Variants in MRPS18B observed in about 807,000 individuals in gnomAD.
MRPS18B encodes small ribosomal subunit protein mS40.
In MRPS18B, 27 loss-of-function variants were observed where a neutral mutation model predicts 28.4. The observed-to-expected ratio is 0.95, with a 90% confidence interval of 0.70 to 1.31. MRPS18B has a LOEUF of 1.31. MRPS18B is among the 40% of genes most tolerant of loss of function. The probability of loss-of-function intolerance (pLI) is 0.00; values close to 1 mark genes in which losing one functional copy is unlikely to be tolerated. For missense variants in MRPS18B, 343 were observed against 335.9 expected, an observed-to-expected ratio of 1.02 and a Z score of -0.17; for synonymous variants, 118 against 123.7, an observed-to-expected ratio of 0.95 and a Z score of 0.30.
rs1246033982 is a variant in MRPS18B, at chr6:30,625,766, C to G, written c.746C>G (p.Thr249Ser). Residue 249 changes from threonine (T) to serine (S), a missense_variant, in exon 7 of 7, where the codon ACT (threonine) becomes AGT (serine). Coordinates refer to ENST00000259873, the MANE Select transcript of MRPS18B (RefSeq NM_014046.4). ...PPRTPAEASS[T>S]GQTGPQSAL The stretch of plus-strand genomic sequence containing the variant: ...AGAACACCAGCGGAAGCCTCCTCCA[C>G]TGGGCAGACAGGCCCTCAGAGTGCT... 2.5e-6 allele frequency: 4 copies of G among 1,612,618 alleles called. No homozygotes were observed. Among genetic ancestry groups the G allele is most frequent in the East Asian group, 2.2e-5 (1 of 44,886 alleles).
chr6:30,622,813 C>T lies in MRPS18B; in HGVS notation c.355-19C>T. On this transcript the variant is annotated intron_variant, in intron 4 of 6. Coordinates refer to ENST00000259873, the MANE Select transcript of MRPS18B (RefSeq NM_014046.4). Reference sequence around the variant, plus strand: ...CCCTGCCTCTTTTCCTCACGTTTCTCTACCACTTTCCCCCACAGAACGTGA... The same window carrying T: ...CCCTGCCTCTTTTCCTCACGTTTCTTTACCACTTTCCCCCACAGAACGTGA... The T allele has an allele frequency of 6.2e-7, 1 of 1,612,408 alleles. No homozygotes were observed.
chr6:30,620,919 A>G (rs1319747215), intron 4 of MRPS18B, among the ~76,000 whole-genome samples: 1 of 152,194 alleles, frequency 6.6e-6, no homozygotes, highest in Non-Finnish European at 1.5e-5. Context: ...ATTCGTTTGT[A>G]TTCATTACAG....
At position 30,618,064 on chromosome 6, in the gene MRPS18B, A is replaced by G. The variant is rs1044716126; in HGVS notation, c.78+121A>G. On this transcript the variant is annotated intron_variant, in intron 1 of 6. Transcript: ENST00000259873. ...CCACGTGTGTCTTAGCTGTCTAGGC[A>G]GTACTTCCTGCAACCCCCCCCCCAC... 398 of 1,019,358 alleles carry G rather than the reference A, an allele frequency of 3.9e-4. 12 individuals carry two copies. In the South Asian group the frequency reaches 4.8e-3, roughly 12 times the overall value. The allele number at this position is 1,019,358 out of a possible 1,614,324, so 63.1% of individuals were successfully genotyped here. A position where few individuals can be genotyped will look rare whatever the true frequency, so the allele number is the denominator to read the frequency against.
At chr6:30,623,352 A>G (rs35554791) in intron 5 of MRPS18B, among the ~76,000 whole-genome samples, 6,976 of 152,182 alleles carry the variant, frequency 0.046, 222 homozygotes, top group South Asian at 0.11. Flanking sequence ...AAAAAAGGAA[A>G]AAGAAAAAAA....
At chr6:30,619,178 A>G (rs1017385374) in intron 1 of MRPS18B, among the ~76,000 whole-genome samples, 3 of 152,206 alleles carry the variant, frequency 2.0e-5, no homozygotes, top group South Asian at 2.1e-4. Flanking sequence ...GGCCTCCCAA[A>G]GTGCTGGGAT....
At chr6:30,620,092 T>G (rs900919390) in intron 4 of MRPS18B, 103 bp downstream of exon 4, 2 of 1,080,800 alleles carry the variant, frequency 1.9e-6, no homozygotes, top group Non-Finnish European at 2.8e-6. Context: ...CCAAGGCAGG[T>G]GGATCATGAG....
intron 5 of MRPS18B, among the ~76,000 whole-genome samples, chr6:30,624,154 A>G (rs1561875781): frequency 6.6e-6 from 1 of 151,006 alleles, no homozygotes; most frequent in Non-Finnish European, 1.5e-5. Context: ...GTGCAGTGGC[A>G]TGATCTTGGC....
chr6:30,622,889 C>G lies in MRPS18B; in HGVS notation c.412C>G (p.Pro138Ala). 1 of 1,613,036 alleles carries G rather than the reference C, an allele frequency of 6.2e-7. No individual in the cohort carries two copies. The highest frequency in any genetic ancestry group is 2.2e-5 in the East Asian group (1 of 44,894). ...CAHTGIIFYA[P>A]YTGVCVKQHK... ...CCACACGGGTATCATCTTCTATGCT[C>G]CATACACAGGTTAGCCCATCATCCC... The change falls in exon 5 of 7, where the codon CCA (proline) becomes GCA (alanine). Residue 138 changes from proline to alanine, a missense_variant. Transcript: ENST00000259873.
Position 30,619,720 on chromosome 6 carries a change from C to T in MRPS18B, c.199C>T (p.Arg67Ter), listed in dbSNP as rs1561867937. Residue 67 changes from arginine (R) to a stop codon, truncating the protein, a stop_gained, in exon 3 of 7, where the codon CGA (arginine) becomes TGA (stop). Coordinates refer to ENST00000259873, the MANE Select transcript of MRPS18B (RefSeq NM_014046.4). LOFTEE classifies it high-confidence loss of function. ...KYLESEEYQE[R>*]YGSRPVWADY... The stretch of plus-strand genomic sequence containing the variant: ...ATCTTTCATTTCAGAATACCAGGAG[C>T]GATATGGTTCTCGCCCCGTCTGGGC... The T allele has an allele frequency of 6.2e-7, 1 of 1,614,022 alleles. No homozygotes were observed. Among genetic ancestry groups the T allele is most frequent in the Non-Finnish European group, 8.5e-7 (1 of 1,180,012 alleles).
In MRPS18B at chr6:30,624,868, T is replaced by C. The variant is rs562310862; in HGVS notation, c.422-15T>C. 14 of 1,611,044 alleles carry C rather than the reference T, an allele frequency of 8.7e-6. No homozygotes were observed. The highest frequency in any genetic ancestry group is 1.1e-5 in the Non-Finnish European group (13 of 1,179,412). On this transcript the variant is annotated splice_polypyrimidine_tract_variant and intron_variant, in intron 5 of 6. Coordinates refer to ENST00000259873, the MANE Select transcript of MRPS18B (RefSeq NM_014046.4). Reference sequence around the variant, plus strand: ...TTACTGTGCCTTAAAGAACAAGATATTTTTCTCCCCACAGGAGTCTGTGTG... The same window carrying C: ...TTACTGTGCCTTAAAGAACAAGATACTTTTCTCCCCACAGGAGTCTGTGTG...
intron 4 of MRPS18B, among the ~76,000 whole-genome samples, chr6:30,620,478 C>T (rs778670745): frequency 1.2e-4 from 19 of 152,082 alleles, no homozygotes; most frequent in South Asian, 4.2e-4. Context: ...ATAAAAACAT[C>T]CCTCCAGCCT....
intron 4 of MRPS18B, chr6:30,620,255 T>G: frequency 2.4e-6 from 1 of 422,444 alleles, no homozygotes. Context: ...AGGCAGAGCT[T>G]GCGGTGAGCT....
At chr6:30,620,199 C>T in intron 4 of MRPS18B, 1 of 540,766 alleles carries the variant, frequency 1.8e-6, no homozygotes, top group South Asian at 2.1e-5. Context: ...CGCCTGTAGT[C>T]CCAGCTACTC....
rs1561882305 is a variant in MRPS18B at position 30,626,114 on chromosome 6, CTG to C, written c.*318_*319del. The C allele has an allele frequency of 2.1e-5, 7 of 325,700 alleles. No individual in the cohort carries two copies. The East Asian group carries it at 3.6e-4, about 17-fold the overall frequency. The allele number at this position is 325,700 out of a possible 1,614,324, so 20.2% of individuals were successfully genotyped here. On this transcript the variant is annotated 3_prime_UTR_variant, in exon 7 of 7. Transcript: ENST00000259873. Reference sequence around the variant, plus strand: ...CCTGTCTCAAAAAAAAAAAAAAAGACTGGGAAGAGAGCTAGAGGGACTAGGAG... The same window carrying C: ...CCTGTCTCAAAAAAAAAAAAAAAGACGGAAGAGAGCTAGAGGGACTAGGAG...
intron 1 of MRPS18B, among the ~76,000 whole-genome samples, chr6:30,619,016 C>G (rs964921540): frequency 6.6e-6 from 1 of 152,112 alleles, no homozygotes; most frequent in African/African-American, 2.4e-5. Context: ...CTCCCGGGTT[C>G]AAGTGATTCT....
intron 5 of MRPS18B, among the ~76,000 whole-genome samples, chr6:30,623,521 T>C (rs999653392): frequency 2.0e-5 from 3 of 152,178 alleles, no homozygotes; most frequent in Non-Finnish European, 4.4e-5. Context: ...TTTTCCAAAC[T>C]TGGAATCGTA....
Position 30,622,603 on chromosome 6 carries a change from A to ATAAGAGATTTC in MRPS18B, c.355-226_355-216dup, listed in dbSNP as rs1218707232. Among the ~76,000 whole-genome samples the ATAAGAGATTTC allele has an allele frequency of 7.3e-5, 11 of 150,952 alleles. No individual in the cohort carries two copies. The East Asian group carries it at 1.9e-3, about 27-fold the overall frequency. On this transcript the variant is annotated intron_variant, in intron 4 of 6. Coordinates refer to ENST00000259873, the MANE Select transcript of MRPS18B (RefSeq NM_014046.4). ...AAAAAAAAAAGAACTTAACCTCTGCATAAGAGATTTCTATGGGAGCACAGT... is the reference window on the plus strand; with the variant it reads ...AAAAAAAAAAGAACTTAACCTCTGCATAAGAGATTTCTAAGAGATTTCTATGGGAGCACAGT...
chr6:30,619,411 C>A, intron 1 of MRPS18B, 82 bp from the exon 2 acceptor site: 1 of 1,127,856 alleles, frequency 8.9e-7, no homozygotes, highest in Non-Finnish European at 1.3e-6. Flanking sequence ...TGTGTGCATT[C>A]CTCCTTTCCA....
chr6:30,625,503 TCTC>T lies in MRPS18B; in HGVS notation c.487_489del (p.Leu163del), dbSNP rs750209069. ...TTCTTTTCTTTTTTAATCCCTTAGGTCTCCTCATTTACCACATCCCCCAGGTTG... is the reference window on the plus strand; with the variant it reads ...TTCTTTTCTTTTTTAATCCCTTAGGTCTCATTTACCACATCCCCCAGGTTG... On this transcript the variant is annotated inframe_deletion and splice_region_variant, in exon 7 of 7. Coordinates refer to ENST00000259873, the MANE Select transcript of MRPS18B (RefSeq NM_014046.4). 6 of 1,551,132 alleles carry T rather than the reference TCTC, an allele frequency of 3.9e-6. No individual in the cohort carries two copies. The highest frequency in any genetic ancestry group is 3.8e-5 in the Admixed American group (2 of 52,124).
Sources: gnomAD v4.1 joint callset for allele counts (sites outside exome capture counted in the v4.1 genomes callset) on GRCh38, gnomAD v4.1.1 for gene constraint, MANE v1.5 for transcripts, NCBI Gene and HGNC (gene_info 2026-07-23, HGNC 2026-07-21) for gene names.